Variants in MIB1 observed in about 807,000 individuals in gnomAD.
MIB1 encodes the protein MIB E3 ubiquitin protein ligase 1.
MIB1 carries 278 observed loss-of-function variants against 124.5 expected under a neutral mutation model. The ratio of observed to expected loss-of-function variants is 2.23; its 90% CI spans 2.02 to 2.47. The LOEUF (loss-of-function observed/expected upper bound fraction) is 2.47, where lower values mean the gene tolerates loss of function less well. MIB1 is among the 30% of genes most tolerant of loss of function. MIB1 has a pLI of 0.00. For missense variants in MIB1, 957 were observed against 1,254.4 expected, an observed-to-expected ratio of 0.76 and a Z score of 3.58; for synonymous variants, 446 against 429.4, an observed-to-expected ratio of 1.04 and a Z score of -0.48.
In MIB1 at chr18:21,852,798, C is replaced by T. The variant is rs553717840; in HGVS notation, c.2587-342C>T. On this transcript the variant is annotated intron_variant, in intron 17 of 20. Transcript: ENST00000261537. ...TTCTTATTTTACTACTTTATTTGTT[C>T]GTTGTCTTTTTTAGTTTCCCCTCAA... 9.9e-5 allele frequency among the ~76,000 whole-genome samples: 15 copies of T among 152,048 alleles called. No homozygotes were observed. The East Asian group carries it at 1.2e-3, about 12-fold the overall frequency.
At chr18:21,836,266 AC>A (rs1204740403) in intron 12 of MIB1, among the ~76,000 whole-genome samples, 1 of 151,596 alleles carries the variant, frequency 6.6e-6, no homozygotes, top group African/African-American at 2.4e-5. Flanking sequence ...TCAGAAAAAA[AC>A]AAAAGGTTTT....
intron 17 of MIB1, 78 bp from the exon 18 acceptor site, chr18:21,853,062 T>A (rs572139107): frequency 1.6e-5 from 15 of 919,304 alleles, no homozygotes; most frequent in Non-Finnish European, 2.7e-5. Context: ...GGAAATACAT[T>A]TGGATATAAT....
chr18:21,756,553 C>T (rs2041033746), intron 1 of MIB1, among the ~76,000 whole-genome samples: 1 of 152,068 alleles, frequency 6.6e-6, no homozygotes, highest in African/African-American at 2.4e-5. Flanking sequence ...CAACCTTTGC[C>T]TCCCGGGTTC....
chr18:21,761,967 G>T (rs2041103069), intron 1 of MIB1, among the ~76,000 whole-genome samples: 2 of 152,122 alleles, frequency 1.3e-5, no homozygotes, highest in South Asian at 4.2e-4. Flanking sequence ...TGCTAATAAT[G>T]GGTGGGAGTA....
intron 6 of MIB1, among the ~76,000 whole-genome samples, chr18:21,786,353 T>G (rs2041435661): frequency 1.3e-5 from 2 of 152,226 alleles, no homozygotes; most frequent in Admixed American, 1.3e-4. Flanking sequence ...CGCCTCGGCC[T>G]CCCAAAGTGC....
chr18:21,802,225 C>T (rs987728667), intron 9 of MIB1, among the ~76,000 whole-genome samples: 2 of 152,082 alleles, frequency 1.3e-5, no homozygotes, highest in African/African-American at 4.8e-5. Context: ...TAAGAACTTG[C>T]ACAATGATGC....
intron 12 of MIB1, chr18:21,825,365 A>C (rs1051274555): frequency 1.4e-5 from 4 of 282,230 alleles, no homozygotes; most frequent in Non-Finnish European, 2.1e-5. Context: ...TGACCTTTCC[A>C]GATATTTTCT....
intron 2 of MIB1, 145 bp from the exon 3 acceptor site, chr18:21,768,478 T>A: frequency 2.0e-6 from 1 of 493,366 alleles, no homozygotes; most frequent in South Asian, 2.3e-5. Flanking sequence ...TAAAAGGTAT[T>A]CCTGTATCAT....
rs56921654 is a variant in MIB1 at position 21,869,636 on chromosome 18, C to T, written c.*4970C>T. 956 of 152,294 alleles carry T rather than the reference C, an allele frequency of 6.3e-3. 9 individuals are homozygous for T. Among genetic ancestry groups the T allele is most frequent in the African/African-American group, 0.02 (809 of 41,410 alleles). 9.4% of individuals were successfully genotyped at this position (152,294 alleles called of 1,614,324 possible). A position where few individuals can be genotyped will look rare whatever the true frequency, so the allele number is the denominator to read the frequency against. ...TTTTTAAAAACTGATTATTTATGGC[C>T]GTGACACTGTTACCAGAAAAGTAAT... On this transcript the variant is annotated 3_prime_UTR_variant, in exon 21 of 21. Transcript: ENST00000261537.
At chr18:21,840,432 T>G (rs1243098271) in intron 13 of MIB1, among the ~76,000 whole-genome samples, 2 of 151,846 alleles carry the variant, frequency 1.3e-5, no homozygotes, top group Non-Finnish European at 2.9e-5. Context: ...CAAAAAAACC[T>G]TAACTTTACT....
At chr18:21,818,817 C>A (rs1263346651) in intron 11 of MIB1, among the ~76,000 whole-genome samples, 1 of 152,062 alleles carries the variant, frequency 6.6e-6, no homozygotes, top group East Asian at 1.9e-4. Context: ...TGCCTGTAAT[C>A]CCAGTTACTT....
In MIB1 at chr18:21,798,105, G is replaced by A. The variant is rs754244735; in HGVS notation, c.1114G>A (p.Val372Ile). The part of the protein sequence containing the change: ...MLPTLGKVGR[V>I]QQIYSDSDLK... ...CAAGACTTTAGGTAAAGTTGGCCGA[G>A]TACAACAGATTTATTCAGACAGTGA... Residue 372 changes from valine (V) to isoleucine (I), a missense_variant, in exon 8 of 21, where the codon GTA (valine) becomes ATA (isoleucine). Val to Ile is a conservative substitution (Grantham distance 29). Transcript: ENST00000261537. The A allele has an allele frequency of 1.2e-6, 2 of 1,612,848 alleles. No individual in the cohort carries two copies. The highest frequency in any genetic ancestry group is 2.2e-5 in the East Asian group (1 of 44,864).
Position 21,798,082 on chromosome 18 carries a change from A to G in MIB1, c.1093-2A>G. ...AAACATGAATCTATTTTTTTCCCCA[A>G]GACTTTAGGTAAAGTTGGCCGAGTA... On this transcript the variant is annotated splice_acceptor_variant, in intron 7 of 20. Transcript: ENST00000261537. LOFTEE classifies it high-confidence loss of function. The G allele has an allele frequency of 1.9e-6, 3 of 1,611,892 alleles. No individual in the cohort carries two copies. The highest frequency in any genetic ancestry group is 2.2e-5 in the East Asian group (1 of 44,836).
At chr18:21,796,396 T>TG (rs1051447967) in intron 7 of MIB1, among the ~76,000 whole-genome samples, 25 of 144,726 alleles carry the variant, frequency 1.7e-4, no homozygotes, top group African/African-American at 6.5e-4. Flanking sequence ...CCTGTCAGGG[T>TG]GGGGGGCAAG....
intron 1 of MIB1, among the ~76,000 whole-genome samples, chr18:21,759,431 C>A (rs182602727): frequency 1.1e-4 from 16 of 151,508 alleles, no homozygotes; most frequent in African/African-American, 3.7e-4. Context: ...TTAATAGAGA[C>A]GGGGTTTCAC....
chr18:21,801,126 A>C (rs991203446), intron 9 of MIB1, among the ~76,000 whole-genome samples: 13 of 152,086 alleles, frequency 8.5e-5, no homozygotes, highest in Non-Finnish European at 8.8e-5. Flanking sequence ...AGAGGCAGCT[A>C]TTCTTAGCTG....
Position 21,741,846 on chromosome 18 carries a change from C to CGCGGGGGGAAGGGGCGAGCT in MIB1, c.229+39_229+58dup. The CGCGGGGGGAAGGGGCGAGCT allele has an allele frequency of 1.3e-6, 2 of 1,524,266 alleles. No individual in the cohort carries two copies. The highest frequency in any genetic ancestry group is 1.8e-6 in the Non-Finnish European group (2 of 1,131,520). The allele number at this position is 1,524,266 out of a possible 1,614,324, so 94.4% of individuals were successfully genotyped here. A position where few individuals can be genotyped will look rare whatever the true frequency, so the allele number is the denominator to read the frequency against. On this transcript the variant is annotated intron_variant, in intron 1 of 20. Coordinates refer to ENST00000261537, the MANE Select transcript of MIB1 (RefSeq NM_020774.4). This position sits in a 1 kb window ranked among gnomAD's most constrained non-coding sequence, Gnocchi z 5.4. ...CGGCCACCTGGCCAGGGCTTGCGCGCGCGGGGGGAAGGGGCGAGCTGCGGT... is the reference window on the plus strand; with the variant it reads ...CGGCCACCTGGCCAGGGCTTGCGCGCGCGGGGGGAAGGGGCGAGCTGCGGGGGGAAGGGGCGAGCTGCGGT...
intron 1 of MIB1, among the ~76,000 whole-genome samples, chr18:21,733,895 G>T (rs2040783332): frequency 1.3e-5 from 2 of 151,982 alleles, no homozygotes; most frequent in South Asian, 4.1e-4. Flanking sequence ...AGTAGAGACA[G>T]GGTTTCTCCA....
chr18:21,858,560 C>A lies in MIB1; in HGVS notation c.2794C>A (p.Pro932Thr). 1.3e-6 allele frequency: 2 copies of A among 1,543,820 alleles called. No homozygotes were observed. Among genetic ancestry groups the A allele is most frequent in the Non-Finnish European group, 1.8e-6 (2 of 1,119,450 alleles). Residue 932 changes from proline to threonine, a missense_variant, in exon 20 of 21, where the codon CCA (proline) becomes ACA (threonine). By Grantham distance (38) the Pro-to-Thr change is conservative. Transcript: ENST00000261537. ...CTATATTATAGCAAGTGGGAATATT[C>A]CAGTATTACAAAAGGACAAGGATAA... ...ATDDISSGNI[P>T]VLQKDKDNTN...
Sources: allele counts gnomAD v4.1 joint callset (sites outside exome capture counted in the v4.1 genomes callset), GRCh38; gene constraint gnomAD v4.1.1; non-coding constraint Gnocchi (gnomAD v3.1); transcripts MANE v1.5; gene names NCBI Gene and HGNC (gene_info 2026-07-23, HGNC 2026-07-21).